Variants in RBPMS2 observed in about 807,000 individuals in gnomAD.
RBPMS2 encodes the protein RNA binding protein, mRNA processing factor 2, also known as RNA-binding protein with multiple splicing 2.
A neutral mutation model predicts 25.7 loss-of-function variants in RBPMS2; 14 were observed. The observed-to-expected ratio is 0.55, with a 90% CI of 0.36 to 0.85. The LOEUF is 0.85. Among genes scored for constraint, RBPMS2 ranks in the 40% least tolerant of loss-of-function variants. The pLI is 0.01. For missense variants in RBPMS2, 252 were observed against 283.4 expected, an observed-to-expected ratio of 0.89 and a Z score of 0.80; for synonymous variants, 127 against 115.6, an observed-to-expected ratio of 1.10 and a Z score of -0.63.
rs76309225 is a variant in RBPMS2 at position 64,767,539 on chromosome 15, G to A, written c.87+7694C>T. On this transcript the variant is annotated intron_variant, in intron 1 of 7. Transcript: ENST00000300069. ...CGCAGGATTGTCCTGAGGCCCCGAA[G>A]GATAAAAGGGTTCAGAGCATGAGAG... is the stretch of plus-strand genomic sequence containing the variant. Among the ~76,000 whole-genome samples, 1,099 of 152,286 alleles carry A rather than the reference G, an allele frequency of 7.2e-3. 15 individuals are homozygous for A. Among genetic ancestry groups the A allele is most frequent in the African/African-American group, 0.025 (1,057 of 41,546 alleles).
intron 1 of RBPMS2, among the ~76,000 whole-genome samples, chr15:64,771,967 T>C (rs2083895802): frequency 6.6e-6 from 1 of 152,056 alleles, no homozygotes; most frequent in Non-Finnish European, 1.5e-5. Flanking sequence ...TTCAAACAAA[T>C]AAAAAAATAA....
chr15:64,748,855 G>T, intron 5 of RBPMS2, 145 bp downstream of exon 5: 1 of 907,402 alleles, frequency 1.1e-6, no homozygotes, highest in Non-Finnish European at 1.6e-6. Context: ...CAGGCTGCAG[G>T]GGAGGGAGGA....
chr15:64,762,584 C>T (rs909714489), intron 1 of RBPMS2: 5 of 500,542 alleles, frequency 1.0e-5, no homozygotes, highest in African/African-American at 2.0e-5. Context: ...CAGAAGATAC[C>T]CACTGACGAG....
intron 1 of RBPMS2, among the ~76,000 whole-genome samples, chr15:64,768,810 G>T (rs2083869463): frequency 7.0e-6 from 1 of 142,386 alleles, no homozygotes; most frequent in Admixed American, 7.1e-5. Context: ...AAAAAAAAAA[G>T]GAATTTAAGG....
intron 3 of RBPMS2, 48 bp from the exon 4 acceptor site, chr15:64,749,541 C>G: frequency 2.8e-6 from 4 of 1,452,358 alleles, no homozygotes; most frequent in Non-Finnish European, 3.8e-6. Flanking sequence ...TAGCATTCCA[C>G]CTCTCCCTCC....
intron 1 of RBPMS2, among the ~76,000 whole-genome samples, chr15:64,753,183 T>G (rs1188893736): frequency 6.6e-6 from 1 of 152,210 alleles, no homozygotes; most frequent in Non-Finnish European, 1.5e-5. Context: ...ACTCCTGCTC[T>G]GGGCCACATC....
intron 1 of RBPMS2, among the ~76,000 whole-genome samples, chr15:64,755,950 T>C (rs1055133876): frequency 1.3e-4 from 19 of 151,242 alleles, no homozygotes; most frequent in Non-Finnish European, 1.8e-4. Context: ...CTTTCCGGAG[T>C]CCTCAACTAC....
intron 1 of RBPMS2, among the ~76,000 whole-genome samples, chr15:64,756,177 C>T (rs1348488874): frequency 6.6e-6 from 1 of 152,206 alleles, no homozygotes; most frequent in South Asian, 2.1e-4. Context: ...AAGAAACTCA[C>T]AGCCAGAGAC....
At chr15:64,744,532 T>A (rs2083595139) in intron 6 of RBPMS2, among the ~76,000 whole-genome samples, 1 of 137,046 alleles carries the variant, frequency 7.3e-6, no homozygotes, top group South Asian at 2.2e-4. Context: ...CACTCCAGCC[T>A]GGGCAACAAG....
intron 1 of RBPMS2, among the ~76,000 whole-genome samples, chr15:64,758,650 G>A (rs546985045): frequency 6.6e-6 from 1 of 152,046 alleles, no homozygotes; most frequent in Non-Finnish European, 1.5e-5. Context: ...ACCAACTTTT[G>A]GCACAACTGC....
At chr15:64,771,942 A>G (rs2083895691) in intron 1 of RBPMS2, among the ~76,000 whole-genome samples, 3 of 152,182 alleles carry the variant, frequency 2.0e-5, no homozygotes, top group Non-Finnish European at 4.4e-5. Context: ...CTGGGTGACA[A>G]GAGTGAAACT....
intron 7 of RBPMS2, 40 bp downstream of exon 7, chr15:64,741,133 T>C (rs1388516437): frequency 5.4e-6 from 8 of 1,473,952 alleles, no homozygotes; most frequent in Non-Finnish European, 6.5e-6. Context: ...GGAGCCGGAG[T>C]CTAGGACACT....
intron 1 of RBPMS2, among the ~76,000 whole-genome samples, chr15:64,772,650 C>T (rs1733855686): frequency 2.0e-5 from 3 of 152,164 alleles, no homozygotes; most frequent in Admixed American, 6.5e-5. Context: ...GCGACTCCCT[C>T]CTCTTGGAAT....
chr15:64,749,263 C>T (rs995098475), intron 4 of RBPMS2, 113 bp from the exon 5 acceptor site: 61 of 1,403,140 alleles, frequency 4.3e-5, no homozygotes, highest in South Asian at 2.2e-4. Flanking sequence ...CCTGCCCACA[C>T]GGTGGCTGAG....
intron 6 of RBPMS2, 108 bp from the exon 7 acceptor site, chr15:64,741,350 G>T: frequency 1.2e-6 from 1 of 846,244 alleles, no homozygotes; most frequent in South Asian, 1.6e-5. Flanking sequence ...TTCTGTCACT[G>T]ATTGGCTGGC....
intron 1 of RBPMS2, among the ~76,000 whole-genome samples, chr15:64,765,078 T>A (rs1040335454): frequency 2.7e-5 from 4 of 150,562 alleles, no homozygotes; most frequent in African/African-American, 4.9e-5. Context: ...TACAAAAAAA[T>A]TAGCTGGGCA....
chr15:64,751,488 G>A (rs184058000), intron 2 of RBPMS2, 73 bp downstream of exon 2: 41 of 1,335,184 alleles, frequency 3.1e-5, no homozygotes, highest in Middle Eastern at 1.8e-4. Context: ...TGCCCTGCCC[G>A]ACCCGAGATT....
intron 1 of RBPMS2, among the ~76,000 whole-genome samples, chr15:64,757,713 A>G (rs2083746174): frequency 6.6e-6 from 1 of 152,202 alleles, no homozygotes; most frequent in South Asian, 2.1e-4. Flanking sequence ...GTCTCAGGCC[A>G]GTACAGGGGA....
At chr15:64,775,020 C>G (rs973091868) in intron 1 of RBPMS2, among the ~76,000 whole-genome samples, 2 of 150,656 alleles carry the variant, frequency 1.3e-5, no homozygotes, top group Non-Finnish European at 3.0e-5. Flanking sequence ...CCCGAGAGGG[C>G]GGGGAGACAA....
Sources: allele counts gnomAD v4.1 joint callset (sites outside exome capture counted in the v4.1 genomes callset), GRCh38; gene constraint gnomAD v4.1.1; transcripts MANE v1.5; gene names NCBI Gene and HGNC (gene_info 2026-07-23, HGNC 2026-07-21).